Variants in SLC22A5 observed in about 807,000 individuals in gnomAD.
The protein encoded by SLC22A5 is solute carrier family 22 member 5, also known as organic cation/carnitine transporter 2.
A neutral mutation model predicts 56.7 loss-of-function variants in SLC22A5; 44 were observed. That is an observed-to-expected ratio of 0.78 (90% CI 0.61 to 1.00). The LOEUF (loss-of-function observed/expected upper bound fraction) is 1.00. SLC22A5 is among the 50% of genes least tolerant of loss of function. The pLI is 0.00. For missense variants in SLC22A5, 675 were observed against 723.0 expected (o/e 0.93, Z 0.76); for synonymous variants, 278 against 292.1 (o/e 0.95, Z 0.49).
rs1209811452 is a variant in SLC22A5, at chr5:132,388,969, C to G, written c.1000C>G (p.Leu334Val). The change falls in exon 6 of 10, where the codon CTG becomes GTG. Residue 334 changes from leucine to valine, a missense_variant. By Grantham distance (32) the Leu-to-Val change is conservative. Transcript: ENST00000245407. ...GCAGCAGTCCCACAACATTCTGGAT[C>G]TGCTTCGAACCTGGAATATCCGGAT... ...KKQQSHNILD[L>V]LRTWNIRMVT... 1.2e-6 allele frequency: 2 copies of G among 1,613,890 alleles called. No homozygotes were observed. Among genetic ancestry groups the G allele is most frequent in the African/African-American group, 2.7e-5 (2 of 74,932 alleles).
Position 132,370,272 on chromosome 5 carries a change from G to C in SLC22A5, c.300G>C (p.Gly100=). 1 of 1,597,416 alleles carries C rather than the reference G, an allele frequency of 6.3e-7. No individual in the cohort carries two copies. Among genetic ancestry groups the C allele is most frequent in the Non-Finnish European group, 8.5e-7 (1 of 1,172,884 alleles). Residue 100 remains glycine (G), a synonymous_variant, in exon 1 of 10, where the codon GGG becomes GGC. Transcript: ENST00000245407. ...TCTCGGCGCTTGGGCTGGAGCCGGG[G>C]CGCGACGTGGACCTGGGGCAGCTGG... The part of the protein sequence containing the change: ...ANFSALGLEP[G]RDVDLGQLEQ...
intron 2 of SLC22A5, 144 bp downstream of exon 2, chr5:132,378,625 C>G: frequency 2.8e-6 from 2 of 706,438 alleles, no homozygotes; most frequent in South Asian, 3.1e-5. Context: ...GTGATATAGA[C>G]TCCATGCCTA....
intron 1 of SLC22A5, 50 bp downstream of exon 1, chr5:132,370,415 C>T (rs1751864128): frequency 1.3e-6 from 2 of 1,591,120 alleles, no homozygotes; most frequent in Admixed American, 3.5e-5. Flanking sequence ...GAGGACCTGT[C>T]GCGGTCCTTG....
intron 2 of SLC22A5, chr5:132,378,736 T>C (rs376323369): frequency 4.0e-6 from 2 of 499,238 alleles, no homozygotes; most frequent in Non-Finnish European, 7.3e-6. Flanking sequence ...CTAGGTAATA[T>C]GCCATGATTC....
chr5:132,375,795 T>G (rs1752122567), intron 1 of SLC22A5, among the ~76,000 whole-genome samples: 1 of 152,186 alleles, frequency 6.6e-6, no homozygotes, highest in Non-Finnish European at 1.5e-5. Flanking sequence ...TCCCAGATTG[T>G]TTTCAGGTTG....
At chr5:132,379,082 A>C (rs895951196) in intron 2 of SLC22A5, 7 of 160,838 alleles carry the variant, frequency 4.4e-5, no homozygotes, top group Admixed American at 2.9e-4. Flanking sequence ...TTATTTGTAT[A>C]ATTCTAAAGC....
intron 4 of SLC22A5, among the ~76,000 whole-genome samples, chr5:132,385,896 G>A (rs1193793815): frequency 6.6e-6 from 1 of 152,240 alleles, no homozygotes; most frequent in African/African-American, 2.4e-5. Context: ...GTAGCCACAT[G>A]GAGGAAGCCA....
rs185186910 is a variant in SLC22A5, at chr5:132,388,683, T to C, written c.952-238T>C. On this transcript the variant is annotated intron_variant, in intron 5 of 9. Transcript: ENST00000245407. ...CTGGGCCTCTGTCTTCCTGTACCCT[T>C]GAGGGACTGGTCACTTACTTTTCCT... is the stretch of plus-strand genomic sequence containing the variant. 5.8e-4 allele frequency among the ~76,000 whole-genome samples: 88 copies of C among 152,224 alleles called. No individual in the cohort carries two copies. In the East Asian group the frequency reaches 9.1e-3, roughly 16 times the overall value.
At position 132,390,769 on chromosome 5, in the gene SLC22A5, C is replaced by T. The variant is rs758027186; in HGVS notation, c.1132C>T (p.Leu378Phe). Residue 378 changes from leucine (L) to phenylalanine (F), a missense_variant, in exon 7 of 10, where the codon CTT (leucine) becomes TTT (phenylalanine). Transcript: ENST00000245407. ...TGGGGACATCTTTGTGAACTGCTTCCTTTCAGCGATGGTTGAAGTCCCAGC... is the reference window on the plus strand; with the variant it reads ...TGGGGACATCTTTGTGAACTGCTTCTTTTCAGCGATGGTTGAAGTCCCAGC... Reference protein sequence around the residue: ...LHGDIFVNCFLSAMVEVPAYV... With the variant: ...LHGDIFVNCFFSAMVEVPAYV... 3 of 1,614,244 alleles carry T rather than the reference C, an allele frequency of 1.9e-6. No individual in the cohort carries two copies. Among genetic ancestry groups the T allele is most frequent in the Non-Finnish European group, 2.5e-6 (3 of 1,180,040 alleles).
At chr5:132,374,644 A>G (rs1194409459) in intron 1 of SLC22A5, among the ~76,000 whole-genome samples, 2 of 152,166 alleles carry the variant, frequency 1.3e-5, no homozygotes, top group African/African-American at 2.4e-5. Context: ...ATGCACGTAC[A>G]TAGTAGACAC....
rs200046767 is a variant in SLC22A5, at chr5:132,385,485, C to T, written c.810C>T (p.Cys270=). The T allele has an allele frequency of 6.7e-5, 108 of 1,613,996 alleles. No homozygotes were observed. Among genetic ancestry groups the T allele is most frequent in the South Asian group, 6.3e-4 (57 of 91,082 alleles). Residue 270 remains cysteine (C), a synonymous_variant, in exon 4 of 10, where the codon TGC becomes TGT. Transcript: ENST00000245407. ...CGCTGACGATGCCGGGGGTGCTATG[C>T]GTGGCACTCTGGTGGTGAGTGTGAC... The part of the protein sequence containing the change: ...LVALTMPGVL[C]VALWWFIPES...
At chr5:132,389,493 A>T (rs1161789172) in intron 6 of SLC22A5, 5 of 233,352 alleles carry the variant, frequency 2.1e-5, no homozygotes, top group African/African-American at 1.1e-4. Flanking sequence ...AGTCAGGGCT[A>T]TAGCCTAGAT....
chr5:132,387,014 T>C lies in SLC22A5; in HGVS notation c.825-11T>C. ...GGGAGGCCTCACTGAGATTGGACCT[T>C]GTACTGCCAGGTTCATCCCTGAGTC... is the stretch of plus-strand genomic sequence containing the variant. On this transcript the variant is annotated splice_polypyrimidine_tract_variant and intron_variant, in intron 4 of 9. Transcript: ENST00000245407. The C allele has an allele frequency of 6.2e-7, 1 of 1,614,056 alleles. No homozygotes were observed. The highest frequency in any genetic ancestry group is 8.5e-7 in the Non-Finnish European group (1 of 1,179,946).
intron 4 of SLC22A5, among the ~76,000 whole-genome samples, 167 bp from the exon 5 acceptor site, chr5:132,386,858 G>C (rs142021535): frequency 1.2e-3 from 188 of 152,310 alleles, no homozygotes; most frequent in African/African-American, 4.5e-3. Context: ...ATCCACCCCA[G>C]GTTATTGCTG....
chr5:132,370,755 G>A (rs73269664), intron 1 of SLC22A5, among the ~76,000 whole-genome samples: 16 of 152,286 alleles, frequency 1.1e-4, no homozygotes, highest in African/African-American at 3.8e-4. Context: ...TTTTCCTCTA[G>A]TCTCTTGATT....
At position 132,369,955 on chromosome 5, in the gene SLC22A5, TG is replaced by T; in HGVS notation, c.-15del. The T allele has an allele frequency of 6.2e-7, 1 of 1,612,158 alleles. No individual in the cohort carries two copies. The highest frequency in any genetic ancestry group is 1.7e-4 in the Middle Eastern group (1 of 5,906). On this transcript the variant is annotated 5_prime_UTR_variant, in exon 1 of 10. Coordinates refer to ENST00000245407, the MANE Select transcript of SLC22A5 (RefSeq NM_003060.4). ...TTCCCCGACCCCAGGCCGCGCTCTG[TG>T]GGCCTCTGAGGGCGGCATGCGGGAC... is the stretch of plus-strand genomic sequence containing the variant.
chr5:132,383,347 C>G (rs1256703080), intron 2 of SLC22A5: 2 of 150,662 alleles, frequency 1.3e-5, no homozygotes, highest in African/African-American at 2.4e-5. Flanking sequence ...CTATCGCCTT[C>G]TATGCCTTAC....
intron 4 of SLC22A5, among the ~76,000 whole-genome samples, chr5:132,386,383 A>G (rs274556): frequency 0.29 from 43,559 of 151,912 alleles, 6,952 homozygotes; most frequent in South Asian, 0.56. Flanking sequence ...GCCTGCCACC[A>G]CACTTGGCTA....
chr5:132,380,470 T>G, intron 2 of SLC22A5: 1 of 151,234 alleles, frequency 6.6e-6, no homozygotes, highest in South Asian at 2.1e-4. Context: ...GACAACCTTG[T>G]GAAGAAAGAA....
Sources: gnomAD v4.1 joint callset for allele counts (sites outside exome capture counted in the v4.1 genomes callset) on GRCh38, gnomAD v4.1.1 for gene constraint, MANE v1.5 for transcripts, NCBI Gene and HGNC (gene_info 2026-07-23, HGNC 2026-07-21) for gene names.